Variants in PCDH11X observed in about 807,000 individuals in gnomAD.
PCDH11X encodes protocadherin 11 X-linked.
Under a neutral mutation model 53.3 loss-of-function variants are expected in PCDH11X, and 18 were observed. That is an observed-to-expected ratio of 0.34 (90% CI 0.23 to 0.50). The LOEUF (loss-of-function observed/expected upper bound fraction) is 0.50. Among genes scored for constraint, PCDH11X ranks in the 20% least tolerant of loss-of-function variants. PCDH11X has a pLI of 0.98. For synonymous variants in PCDH11X, 279 were observed against 393.3 expected, an observed-to-expected ratio of 0.71 and a Z score of 3.44; for missense variants, 570 against 1,032.4, an observed-to-expected ratio of 0.55 and a Z score of 6.14.
intron 6 of PCDH11X, among the ~76,000 whole-genome samples, chrX:92,015,656 T>C (rs145049668): frequency 0.014 from 1,588 of 112,046 alleles, 22 homozygotes; most frequent in African/African-American, 0.048. Context: ...ATTGCAACAA[T>C]TCAGTCACAT....
intron 5 of PCDH11X, among the ~76,000 whole-genome samples, chrX:91,868,733 G>A (rs1013717941): frequency 9.9e-5 from 11 of 111,565 alleles, no homozygotes; most frequent in Non-Finnish European, 1.7e-4. Flanking sequence ...GTGTCTATTA[G>A]TGAAAGATCA....
At chrX:91,780,887 G>A (rs1236177078) in intron 1 of PCDH11X, among the ~76,000 whole-genome samples, 1 of 112,558 alleles carries the variant, frequency 8.9e-6, no homozygotes, top group Non-Finnish European at 1.9e-5. Context: ...AGCCAGAGCC[G>A]CTTCCTTGCC....
intron 7 of PCDH11X, among the ~76,000 whole-genome samples, chrX:92,237,083 CAGG>C (rs1475346789): frequency 9.0e-6 from 1 of 111,304 alleles, no homozygotes; most frequent in Non-Finnish European, 1.9e-5. Flanking sequence ...GGAGTCTGTG[CAGG>C]AGAATTCTTC....
chrX:92,436,056 T>G (rs1333291499), intron 9 of PCDH11X, among the ~76,000 whole-genome samples: 1 of 110,868 alleles, frequency 9.0e-6, no homozygotes, highest in Non-Finnish European at 1.9e-5. Context: ...GATTAAATTA[T>G]TTTTTGCAAA....
At chrX:92,373,815 T>A (rs1030930517) in intron 8 of PCDH11X, among the ~76,000 whole-genome samples, 3 of 111,851 alleles carry the variant, frequency 2.7e-5, no homozygotes, top group Non-Finnish European at 5.6e-5. Context: ...TAAAGAGTAA[T>A]GCTTTACTGA....
intron 8 of PCDH11X, among the ~76,000 whole-genome samples, chrX:92,357,203 G>A (rs2070232106): frequency 9.1e-6 from 1 of 110,183 alleles, no homozygotes; most frequent in Non-Finnish European, 1.9e-5. Flanking sequence ...TTAAATTCCT[G>A]ATTTCTCCTT....
At chrX:92,514,928 T>A (rs1188526065) in intron 10 of PCDH11X, among the ~76,000 whole-genome samples, 5 of 102,356 alleles carry the variant, frequency 4.9e-5, no homozygotes, top group African/African-American at 1.5e-4. Flanking sequence ...GTGCCTGTAG[T>A]CCCAGCTACT....
chrX:92,324,000 A>G lies in PCDH11X; in HGVS notation c.3144+60857A>G, dbSNP rs1412094036. On this transcript the variant is annotated intron_variant, in intron 8 of 10. Coordinates refer to ENST00000682573, the MANE Select transcript of PCDH11X (RefSeq NM_032968.5). ...CAGTTTTAGGTCATGATCTAAGCCT[A>G]TATAATATATTCTGTATTTCTTTAT... 4.7e-5 allele frequency among the ~76,000 whole-genome samples: 5 copies of G among 105,654 alleles called. No individual in the cohort carries two copies. In the East Asian group the frequency reaches 1.2e-3, roughly 25 times the overall value. The allele number at this position is 105,654 out of a possible 115,157, so 91.7% of individuals were successfully genotyped here.
chrX:92,348,209 G>C (rs1385888625), intron 8 of PCDH11X, among the ~76,000 whole-genome samples: 2 of 111,794 alleles, frequency 1.8e-5, no homozygotes, highest in African/African-American at 3.3e-5. Context: ...GAGGACGTCT[G>C]TTGGTGAAGT....
At chrX:92,534,476 A>G (rs1011116350) in intron 10 of PCDH11X, among the ~76,000 whole-genome samples, 2 of 111,704 alleles carry the variant, frequency 1.8e-5, no homozygotes, top group African/African-American at 6.5e-5. Flanking sequence ...GTTGGAAAAC[A>G]CTCTTCAGGA....
intron 6 of PCDH11X, among the ~76,000 whole-genome samples, chrX:91,932,414 AG>A (rs1340265741): frequency 9.8e-6 from 1 of 102,284 alleles, no homozygotes; most frequent in Non-Finnish European, 2.0e-5. Flanking sequence ...TGGAAGAAAA[AG>A]GGAGTGAAAA....
chrX:91,884,001 C>A, intron 6 of PCDH11X: 2 of 528,532 alleles, frequency 3.8e-6, no homozygotes, highest in Non-Finnish European at 4.6e-6. Context: ...ACCAGTCTGG[C>A]CAACATGGCG....
At chrX:91,956,498 T>G (rs1425245594) in intron 6 of PCDH11X, among the ~76,000 whole-genome samples, 2 of 109,911 alleles carry the variant, frequency 1.8e-5, no homozygotes, top group Non-Finnish European at 3.8e-5. Flanking sequence ...ATCTTATTTC[T>G]CCTTCACTTA....
At chrX:92,250,923 G>A (rs1264747514) in intron 7 of PCDH11X, among the ~76,000 whole-genome samples, 1 of 109,746 alleles carries the variant, frequency 9.1e-6, no homozygotes, top group Non-Finnish European at 1.9e-5. Context: ...ATTGGCCATG[G>A]CGATTGTTAC....
chrX:92,052,986 G>A (rs1468680692), intron 6 of PCDH11X, among the ~76,000 whole-genome samples: 1 of 111,403 alleles, frequency 9.0e-6, no homozygotes, highest in Admixed American at 9.6e-5. Context: ...TATTTCCTCA[G>A]TACGAAAAAA....
intron 9 of PCDH11X, among the ~76,000 whole-genome samples, chrX:92,454,929 C>T (rs1212560885): frequency 9.3e-6 from 1 of 108,073 alleles, no homozygotes; most frequent in Admixed American, 1.0e-4. Flanking sequence ...ATACATTAAT[C>T]TTGCACAAAA....
intron 7 of PCDH11X, among the ~76,000 whole-genome samples, chrX:92,222,123 C>T (rs1017738686): frequency 1.0e-5 from 1 of 98,917 alleles, no homozygotes; most frequent in African/African-American, 3.5e-5. Flanking sequence ...CGTGAGCCAC[C>T]ATGCCCAGCC....
intron 1 of PCDH11X, among the ~76,000 whole-genome samples, chrX:91,794,533 T>C (rs1357844640): frequency 2.7e-5 from 3 of 111,800 alleles, no homozygotes; most frequent in African/African-American, 6.5e-5. Context: ...AAAATACAAA[T>C]TGTGATGAGA....
At position 92,236,224 on chromosome X, in the gene PCDH11X, A is replaced by G. The variant is rs143351686; in HGVS notation, c.3115-26890A>G. On this transcript the variant is annotated intron_variant, in intron 7 of 10. Transcript: ENST00000682573. Reference sequence around the variant, plus strand: ...AGGCATGGTTAGCTGCCATCTGAAAACCATTCCAGATCCCCTACTGTAAGT... The same window carrying G: ...AGGCATGGTTAGCTGCCATCTGAAAGCCATTCCAGATCCCCTACTGTAAGT... Among the ~76,000 whole-genome samples, 746 of 110,748 alleles carry G rather than the reference A, an allele frequency of 6.7e-3. 5 individuals carry two copies. Among genetic ancestry groups the G allele is most frequent in the African/African-American group, 0.023 (711 of 30,543 alleles).
Sources: allele counts gnomAD v4.1 joint callset (sites outside exome capture counted in the v4.1 genomes callset), GRCh38; gene constraint gnomAD v4.1.1; transcripts MANE v1.5; gene names NCBI Gene and HGNC (gene_info 2026-07-23, HGNC 2026-07-21).